Variants in NPRL3 observed in about 807,000 individuals in gnomAD.
NPRL3 encodes GATOR1 complex protein NPRL3.
A neutral mutation model predicts 57.2 loss-of-function variants in NPRL3; 23 were observed. That is an observed-to-expected ratio of 0.40 (90% confidence interval 0.29 to 0.57). The LOEUF (loss-of-function observed/expected upper bound fraction) is 0.57, where lower values mean the gene tolerates loss of function less well. Among genes scored for constraint, NPRL3 ranks in the 20% least tolerant of loss-of-function variants. NPRL3 has a pLI of 0.42. For missense variants in NPRL3, 691 were observed against 767.1 expected (o/e 0.90, Z 1.17); for synonymous variants, 333 against 321.1 (o/e 1.04, Z -0.39).
At chr16:88,209 A>T (rs1381675385) in intron 13 of NPRL3, among the ~76,000 whole-genome samples, 2 of 152,138 alleles carry the variant, frequency 1.3e-5, no homozygotes, top group African/African-American at 2.4e-5. Context: ...AAGTCCCATG[A>T]GGGTGAGAAC....
At chr16:111,375 G>C (rs1469501216) in intron 6 of NPRL3, among the ~76,000 whole-genome samples, 1 of 151,972 alleles carries the variant, frequency 6.6e-6, no homozygotes, top group Non-Finnish European at 1.5e-5. Flanking sequence ...ACTCCAGCCT[G>C]GGTGACAGAG....
chr16:119,697 C>G (rs890686605), intron 3 of NPRL3, among the ~76,000 whole-genome samples: 1 of 152,222 alleles, frequency 6.6e-6, no homozygotes, highest in African/African-American at 2.4e-5. Context: ...ACAGAGCGGC[C>G]CTTCACCCAA....
intron 2 of NPRL3, 138 bp from the exon 3 acceptor site, chr16:130,729 G>A: frequency 1.3e-6 from 1 of 791,534 alleles, no homozygotes; most frequent in Non-Finnish European, 2.0e-6. Flanking sequence ...GACATAAAAA[G>A]GAATGAACAT....
chr16:86,621 G>A lies in NPRL3; in HGVS notation c.*84C>T, dbSNP rs1371950845. ...CAGGCCTCAGGGCCAAGAGGGCTCA[G>A]CCTCAGCACGGGGGGAGCCCTGGGG... On this transcript the variant is annotated 3_prime_UTR_variant, in exon 14 of 14. Coordinates refer to ENST00000611875, the MANE Select transcript of NPRL3 (RefSeq NM_001077350.3). 1 of 1,384,994 alleles carries A rather than the reference G, an allele frequency of 7.2e-7. No individual in the cohort carries two copies. Among genetic ancestry groups the A allele is most frequent in the Non-Finnish European group, 9.7e-7 (1 of 1,029,072 alleles). 85.8% of individuals were successfully genotyped at this position (1,384,994 alleles called of 1,614,324 possible). A position where few individuals can be genotyped will look rare whatever the true frequency, so the allele number is the denominator to read the frequency against.
Position 138,181 on chromosome 16 carries a change from C to G in NPRL3, c.87G>C (p.Gln29His). ...GGGACGCCGGGTGCTCCTGGCTTCT[C>G]TGGAAGGGGTACCTGAACAGCAGCT... Reference protein sequence around the residue: ...GNKLLFRYPFQRSQEHPASQT... With the variant: ...GNKLLFRYPFHRSQEHPASQT... Residue 29 changes from glutamine (Q) to histidine (H), a missense_variant, in exon 2 of 14, where the codon CAG becomes CAC. Coordinates refer to ENST00000611875, the MANE Select transcript of NPRL3 (RefSeq NM_001077350.3). 6.2e-7 allele frequency: 1 copy of G among 1,609,122 alleles called. No homozygotes were observed. Among genetic ancestry groups the G allele is most frequent in the Non-Finnish European group, 8.5e-7 (1 of 1,178,096 alleles).
chr16:131,969 A>C (rs570730746), intron 2 of NPRL3, among the ~76,000 whole-genome samples: 1 of 151,556 alleles, frequency 6.6e-6, no homozygotes, highest in African/African-American at 2.4e-5. Context: ...CATCTTTACC[A>C]GGAATACATT....
intron 5 of NPRL3, 53 bp downstream of exon 5, chr16:117,248 T>G (rs1774868309): frequency 1.6e-6 from 2 of 1,289,040 alleles, no homozygotes; most frequent in African/African-American, 1.5e-5. Context: ...AAAAAAGAGC[T>G]GCTTCTCCAC....
chr16:138,436 A>G (rs1315318036), intron 1 of NPRL3, 102 bp from the exon 2 acceptor site: 1 of 142,704 alleles, frequency 7.0e-6, no homozygotes, highest in Admixed American at 9.6e-5. Flanking sequence ...GGGCCTGAGG[A>G]GGGCAGGGGT....
chr16:134,996 C>G (rs912251495), intron 2 of NPRL3, among the ~76,000 whole-genome samples: 2 of 151,960 alleles, frequency 1.3e-5, no homozygotes, highest in Non-Finnish European at 2.9e-5. Flanking sequence ...CCACCGCGCC[C>G]GGCCAAGTCA....
intron 4 of NPRL3, among the ~76,000 whole-genome samples, chr16:117,870 C>T (rs1900112903): frequency 1.3e-5 from 2 of 152,238 alleles, no homozygotes; most frequent in African/African-American, 2.4e-5. Context: ...AGGACCAGGG[C>T]GCTCAAGGGA....
chr16:87,511 A>C (rs1242624287), intron 13 of NPRL3, among the ~76,000 whole-genome samples: 1 of 148,396 alleles, frequency 6.7e-6, no homozygotes, highest in African/African-American at 2.5e-5. Flanking sequence ...TGCTGAGATT[A>C]TAACCGTGAG....
chr16:98,882 G>A (rs1899146224), intron 8 of NPRL3, among the ~76,000 whole-genome samples: 1 of 152,174 alleles, frequency 6.6e-6, no homozygotes, highest in Non-Finnish European at 1.5e-5. Flanking sequence ...AGCTTGCAGT[G>A]AGCCGAGATT....
intron 3 of NPRL3, among the ~76,000 whole-genome samples, chr16:119,999 C>T (rs1031627135): frequency 2.6e-5 from 4 of 152,172 alleles, no homozygotes; most frequent in African/African-American, 7.2e-5. Context: ...CTGTGCCCTT[C>T]TGTCTCCTTA....
At position 86,286 on chromosome 16, in the gene NPRL3, G is replaced by T; in HGVS notation, c.*419C>A. The T allele has an allele frequency of 5.1e-6, 1 of 195,596 alleles. No homozygotes were observed. The highest frequency in any genetic ancestry group is 1.1e-5 in the Non-Finnish European group (1 of 94,536). 12.1% of individuals were successfully genotyped at this position (195,596 alleles called of 1,614,324 possible). On this transcript the variant is annotated 3_prime_UTR_variant, in exon 14 of 14. Coordinates refer to ENST00000611875, the MANE Select transcript of NPRL3 (RefSeq NM_001077350.3). ...AAGGCTGTCAGAGAGACAGGGACAG[G>T]CCACACAAGTGTTTCTGCACATTCT...
chr16:112,676 G>C lies in NPRL3; in HGVS notation c.493C>G (p.Arg165Gly), dbSNP rs1324142773. The stretch of plus-strand genomic sequence containing the variant: ...AGCGCCAGGATCAGCTTGGCCTCCC[G>C]GGTGAGGTACTGGCAGCGGCGCTCC... ...HEERRCQYLTREAKLILALQD... is the reference protein window; with the variant it reads ...HEERRCQYLTGEAKLILALQD... Residue 165 changes from arginine to glycine, a missense_variant, in exon 6 of 14, where the codon CGG (arginine) becomes GGG (glycine). By Grantham distance (125) the Arg-to-Gly change is moderately radical. Transcript: ENST00000611875. 1.2e-6 allele frequency: 2 copies of C among 1,608,792 alleles called. No individual in the cohort carries two copies. The highest frequency in any genetic ancestry group is 1.7e-6 in the Non-Finnish European group (2 of 1,177,574).
intron 3 of NPRL3, among the ~76,000 whole-genome samples, chr16:123,734 C>T (rs562654645): frequency 4.8e-4 from 73 of 151,606 alleles, no homozygotes; most frequent in Admixed American, 2.7e-3. Flanking sequence ...ACACTCCCCA[C>T]GCTGAGAAAC....
At chr16:103,296 A>ACTTTTT (rs1899380401) in intron 7 of NPRL3, among the ~76,000 whole-genome samples, 1 of 42,110 alleles carries the variant, frequency 2.4e-5, no homozygotes, top group African/African-American at 1.0e-4. Flanking sequence ...GCCTGGGGTG[A>ACTTTTT]TTTTTTTTTT....
At chr16:97,410 A>ATTTTTTTT (rs34410203) in intron 9 of NPRL3, among the ~76,000 whole-genome samples, 7 of 115,078 alleles carry the variant, frequency 6.1e-5, no homozygotes, top group African/African-American at 1.0e-4. Context: ...ACACCCAGCT[A>ATTTTTTTT]TTTTTTTTTT....
intron 8 of NPRL3, among the ~76,000 whole-genome samples, chr16:99,242 T>A (rs1899160701): frequency 6.6e-6 from 1 of 152,158 alleles, no homozygotes; most frequent in African/African-American, 2.4e-5. Context: ...TTTCCAAATT[T>A]TCAGCAATGT....
Sources: allele counts gnomAD v4.1 joint callset (sites outside exome capture counted in the v4.1 genomes callset), GRCh38; gene constraint gnomAD v4.1.1; transcripts MANE v1.5; gene names NCBI Gene and HGNC (gene_info 2026-07-23, HGNC 2026-07-21).